PDE9A: variants seen among roughly 807,000 people sequenced by gnomAD.
PDE9A encodes high affinity cGMP-specific 3',5'-cyclic phosphodiesterase 9A.
A neutral mutation model predicts 87.4 loss-of-function variants in PDE9A; 60 were observed. The ratio of observed to expected loss-of-function variants is 0.69; its 90% CI spans 0.56 to 0.85. PDE9A has a LOEUF of 0.85. Among genes scored for constraint, PDE9A ranks in the 40% least tolerant of loss-of-function variants. PDE9A has a pLI of 0.00. For missense variants in PDE9A, 665 were observed against 779.0 expected, an observed-to-expected ratio of 0.85 and a Z score of 1.74; for synonymous variants, 272 against 279.4, an observed-to-expected ratio of 0.97 and a Z score of 0.27.
At position 42,751,187 on chromosome 21, in the gene PDE9A, C is replaced by T. The variant is rs778394469; in HGVS notation, c.725C>T (p.Thr242Ile). ...TTGACTCCTCGACGCGATGTTCCCA[C>T]TTACCCCAAGGTAAGATGAGATTCC... is the stretch of plus-strand genomic sequence containing the variant. ...KKLTPRRDVPTYPKYLLSPET... is the reference protein window; with the variant it reads ...KKLTPRRDVPIYPKYLLSPET... The change falls in exon 9 of 20, where the codon ACT becomes ATT. Residue 242 changes from threonine (T) to isoleucine (I), a missense_variant. Transcript: ENST00000291539. The T allele has an allele frequency of 6.2e-7, 1 of 1,610,226 alleles. No homozygotes were observed. The highest frequency in any genetic ancestry group is 8.5e-7 in the Non-Finnish European group (1 of 1,176,518).
intron 8 of PDE9A, among the ~76,000 whole-genome samples, chr21:42,746,053 C>A (rs978040061): frequency 6.6e-6 from 1 of 152,230 alleles, no homozygotes; most frequent in Non-Finnish European, 1.5e-5. Context: ...ATCCCTTAAA[C>A]GACTGCATTT....
intron 7 of PDE9A, among the ~76,000 whole-genome samples, chr21:42,735,861 G>A (rs942567291): frequency 6.6e-6 from 1 of 152,156 alleles, no homozygotes; most frequent in Admixed American, 6.5e-5. Context: ...CCACCACAGC[G>A]AGTGTTTGCA....
chr21:42,768,350 A>G, intron 16 of PDE9A, 58 bp downstream of exon 16: 1 of 1,210,690 alleles, frequency 8.3e-7, no homozygotes, highest in East Asian at 2.3e-5. Context: ...CCACTTAGTA[A>G]GGGTTTGCGT....
At chr21:42,676,116 G>A (rs1336014226) in intron 1 of PDE9A, among the ~76,000 whole-genome samples, 1 of 152,184 alleles carries the variant, frequency 6.6e-6, no homozygotes, top group East Asian at 1.9e-4. Context: ...CATCCTGAGT[G>A]AAAGCTCCCT....
rs1322397897 is a variant in PDE9A at position 42,702,644 on chromosome 21, T to A, written c.262+3633T>A. 6.6e-6 allele frequency among the ~76,000 whole-genome samples: 1 copy of A among 152,246 alleles called. No homozygotes were observed. The highest frequency in any genetic ancestry group is 1.5e-5 in the Non-Finnish European group (1 of 68,042). Reference sequence around the variant, plus strand: ...TTAAGTTACTTGCACATCAGTTTGATGCCTTTGAGCCCCACCTTTAAGCTT... The same window carrying A: ...TTAAGTTACTTGCACATCAGTTTGAAGCCTTTGAGCCCCACCTTTAAGCTT... On this transcript the variant is annotated intron_variant, in intron 4 of 19. Coordinates refer to ENST00000291539, the MANE Select transcript of PDE9A (RefSeq NM_002606.3). This position sits in a 1 kb window ranked among gnomAD's most constrained non-coding sequence, Gnocchi z 4.9.
chr21:42,737,678 G>A (rs1410863929), intron 7 of PDE9A, among the ~76,000 whole-genome samples: 2 of 152,122 alleles, frequency 1.3e-5, no homozygotes, highest in East Asian at 1.9e-4. Context: ...GGCTGGTCTC[G>A]AACTCCTGAC....
At chr21:42,653,920 C>T in intron 1 of PDE9A, 37 bp downstream of exon 1, 1 of 1,278,104 alleles carries the variant, frequency 7.8e-7, no homozygotes, top group Non-Finnish European at 1.1e-6. Flanking sequence ...CCTCCTCCCC[C>T]CGGGTGACAG....
At chr21:42,691,680 C>T in intron 3 of PDE9A, among the ~76,000 whole-genome samples, 1 of 151,692 alleles carries the variant, frequency 6.6e-6, no homozygotes, top group East Asian at 1.9e-4. Flanking sequence ...AGTCACTCAG[C>T]CCATCACCAT....
chr21:42,744,443 A>G (rs1420125397), intron 8 of PDE9A, among the ~76,000 whole-genome samples: 1 of 152,190 alleles, frequency 6.6e-6, no homozygotes, highest in East Asian at 1.9e-4. Context: ...AAGCCTTAGG[A>G]GCAATGTGTC....
Position 42,698,317 on chromosome 21 carries a change from T to C in PDE9A, c.219-651T>C, listed in dbSNP as rs192222070. On this transcript the variant is annotated intron_variant, in intron 3 of 19. Transcript: ENST00000291539. ...ATCTGCCTGGGGTTAGCCTCACTTG[T>C]GTGGATTTTTTCTTACTCCTCTTGG... is the stretch of plus-strand genomic sequence containing the variant. 5.0e-3 allele frequency among the ~76,000 whole-genome samples: 757 copies of C among 152,282 alleles called. 2 individuals carry two copies. Among genetic ancestry groups the C allele is most frequent in the Middle Eastern group, 0.01 (3 of 294 alleles).
intron 1 of PDE9A, among the ~76,000 whole-genome samples, chr21:42,658,972 C>T (rs1239879371): frequency 2.0e-5 from 3 of 152,094 alleles, no homozygotes; most frequent in African/African-American, 7.2e-5. Context: ...GGGGACGACT[C>T]CCCTGTCTCC....
chr21:42,762,795 C>A (rs2055947019), intron 14 of PDE9A, among the ~76,000 whole-genome samples: 1 of 152,168 alleles, frequency 6.6e-6, no homozygotes, highest in African/African-American at 2.4e-5. Flanking sequence ...TGGGTTCAAG[C>A]AATTCTCCTG....
chr21:42,753,634 G>A (rs1044626214), intron 9 of PDE9A, among the ~76,000 whole-genome samples: 3 of 151,958 alleles, frequency 2.0e-5, no homozygotes, highest in Admixed American at 1.3e-4. Context: ...AGGCCAAGGC[G>A]GGTGGATCAC....
At chr21:42,767,944 C>T (rs907655454) in intron 15 of PDE9A, among the ~76,000 whole-genome samples, 15 of 152,218 alleles carry the variant, frequency 9.9e-5, no homozygotes, top group African/African-American at 2.9e-4. Flanking sequence ...GGCAGTGCTT[C>T]AGGGGATATC....
In PDE9A at chr21:42,659,875, C is replaced by T. The variant is rs1246911909; in HGVS notation, c.69+5992C>T. Among the ~76,000 whole-genome samples, 1 of 152,322 alleles carries T rather than the reference C, an allele frequency of 6.6e-6. No homozygotes were observed. Among genetic ancestry groups the T allele is most frequent in the South Asian group, 2.1e-4 (1 of 4,830 alleles). On this transcript the variant is annotated intron_variant, in intron 1 of 19. Coordinates refer to ENST00000291539, the MANE Select transcript of PDE9A (RefSeq NM_002606.3). The surrounding 1 kb of genome is among the most constrained non-coding windows in gnomAD (Gnocchi z 4.1). ...CTCGTTGTCAGCGAGGTAAATCTAG[C>T]GCAGAGGAAGGGCACACTGTCCCCG...
Position 42,705,638 on chromosome 21 carries a change from G to A in PDE9A, c.262+6627G>A, listed in dbSNP as rs1272994321. ...GAAAGCGTGCTGCAGTCACACGCCA[G>A]GACGGCCCCCCACGGCCCAAGTCCT... On this transcript the variant is annotated intron_variant, in intron 4 of 19. Transcript: ENST00000291539. This position sits in a 1 kb window ranked among gnomAD's most constrained non-coding sequence, Gnocchi z 4.3. Among the ~76,000 whole-genome samples the A allele has an allele frequency of 6.6e-6, 1 of 152,164 alleles. No individual in the cohort carries two copies. Among genetic ancestry groups the A allele is most frequent in the East Asian group, 1.9e-4 (1 of 5,184 alleles).
intron 8 of PDE9A, among the ~76,000 whole-genome samples, chr21:42,747,582 G>A (rs973511595): frequency 5.3e-5 from 8 of 152,264 alleles, no homozygotes; most frequent in African/African-American, 1.9e-4. Flanking sequence ...CCGGGAGCAG[G>A]TGGCCGTCCC....
At position 42,760,937 on chromosome 21, in the gene PDE9A, T is replaced by C. The variant is rs768486252; in HGVS notation, c.1085+30T>C. 1 of 1,440,052 alleles carries C rather than the reference T, an allele frequency of 6.9e-7. No homozygotes were observed. Among genetic ancestry groups the C allele is most frequent in the African/African-American group, 1.4e-5 (1 of 71,646 alleles). 89.2% of individuals were successfully genotyped at this position (1,440,052 alleles called of 1,614,324 possible). On this transcript the variant is annotated intron_variant, in intron 13 of 19. Coordinates refer to ENST00000291539, the MANE Select transcript of PDE9A (RefSeq NM_002606.3). The surrounding 1 kb of genome is among the most constrained non-coding windows in gnomAD (Gnocchi z 5.2). The stretch of plus-strand genomic sequence containing the variant: ...GTACAGGATTTTCTCTTTTTTTCCT[T>C]TTAAAAGGCACCCTGGCTACTGGAG...
chr21:42,738,847 T>C (rs1358140483), intron 7 of PDE9A, among the ~76,000 whole-genome samples: 1 of 152,152 alleles, frequency 6.6e-6, no homozygotes, highest in Non-Finnish European at 1.5e-5. Flanking sequence ...TGACCACGCC[T>C]GGCTAATTTT....
Sources: allele counts gnomAD v4.1 joint callset (sites outside exome capture counted in the v4.1 genomes callset), GRCh38; gene constraint gnomAD v4.1.1; non-coding constraint Gnocchi (gnomAD v3.1); transcripts MANE v1.5; gene names NCBI Gene and HGNC (gene_info 2026-07-23, HGNC 2026-07-21).